The following TAF5L variants were observed in gnomAD, a reference collection of about 807,000 sequenced individuals.
The protein encoded by TAF5L is TAF5-like RNA polymerase II p300/CBP-associated factor-associated factor 65 kDa subunit 5L.
TAF5L carries 7 observed loss-of-function variants against 51.3 expected under a neutral mutation model. The observed-to-expected ratio is 0.14, with a 90% CI of 0.08 to 0.26. TAF5L has a LOEUF of 0.26. Among genes scored for constraint, TAF5L ranks in the 10% least tolerant of loss-of-function variants. The probability of loss-of-function intolerance (pLI) is 1.00; values close to 1 mark genes in which losing one functional copy is unlikely to be tolerated. For synonymous variants in TAF5L, 291 were observed against 308.1 expected, an observed-to-expected ratio of 0.94 and a Z score of 0.58; for missense variants, 575 against 758.9, an observed-to-expected ratio of 0.76 and a Z score of 2.85.
intron 1 of TAF5L, among the ~76,000 whole-genome samples, chr1:229,615,378 C>T (rs191465213): frequency 3.9e-5 from 6 of 152,210 alleles, no homozygotes; most frequent in African/African-American, 1.2e-4. Flanking sequence ...TGAGCCACCG[C>T]GCCTGGCCGT....
intron 1 of TAF5L, among the ~76,000 whole-genome samples, chr1:229,614,881 G>A (rs992056147): frequency 2.6e-5 from 4 of 152,170 alleles, no homozygotes; most frequent in East Asian, 3.8e-4. Context: ...TGAGAGAGGC[G>A]TTAATTAGCA....
At chr1:229,609,332 A>G (rs2102755430) in intron 3 of TAF5L, among the ~76,000 whole-genome samples, 1 of 152,300 alleles carries the variant, frequency 6.6e-6, no homozygotes, top group Admixed American at 6.5e-5. Flanking sequence ...TAATCACTGA[A>G]GCATAGGTGT....
At chr1:229,613,095 A>C (rs1161846292) in intron 2 of TAF5L, among the ~76,000 whole-genome samples, 2 of 151,842 alleles carry the variant, frequency 1.3e-5, no homozygotes, top group African/African-American at 4.8e-5. Flanking sequence ...AGGTGGGAGG[A>C]TCACTTGAGG....
intron 1 of TAF5L, among the ~76,000 whole-genome samples, chr1:229,622,643 C>T (rs950994739): frequency 4.6e-5 from 7 of 152,126 alleles, no homozygotes; most frequent in African/African-American, 1.4e-4. Context: ...TAAGGTCTTG[C>T]TCTGTCACCG....
At chr1:229,621,945 T>C (rs1208035620) in intron 1 of TAF5L, among the ~76,000 whole-genome samples, 1 of 152,120 alleles carries the variant, frequency 6.6e-6, no homozygotes, top group Non-Finnish European at 1.5e-5. Context: ...TAAATCCATA[T>C]ACTCCTGCTG....
Position 229,594,188 on chromosome 1 carries a change from G to C in TAF5L, c.*109C>G. ...GCCCGGAATGAGGGCCCAGGAGAGAGGGGAGGAGGGGGCTCTTTCACAGTC... is the reference window on the plus strand; with the variant it reads ...GCCCGGAATGAGGGCCCAGGAGAGACGGGAGGAGGGGGCTCTTTCACAGTC... On this transcript the variant is annotated 3_prime_UTR_variant, in exon 5 of 5. Coordinates refer to ENST00000258281, the Ensembl canonical transcript of TAF5L. The surrounding 1 kb of genome is among the most constrained non-coding windows in gnomAD (Gnocchi z 7.9). 1 of 1,265,496 alleles carries C rather than the reference G, an allele frequency of 7.9e-7. No individual in the cohort carries two copies. The highest frequency in any genetic ancestry group is 1.1e-6 in the Non-Finnish European group (1 of 921,918). The allele number at this position is 1,265,496 out of a possible 1,614,324, so 78.4% of individuals were successfully genotyped here.
In TAF5L at chr1:229,602,934, AAAG is replaced by A. The variant is rs757569637; in HGVS notation, c.248-18_248-16del. 2.5e-6 allele frequency: 4 copies of A among 1,572,630 alleles called. No individual in the cohort carries two copies. The highest frequency in any genetic ancestry group is 3.4e-6 in the Non-Finnish European group (4 of 1,167,946). ...GGAATCAGAATCTATAATGAAAGAA[AAAG>A]AAGGCTTTATAATCAGCATAATCTT... On this transcript the variant is annotated splice_polypyrimidine_tract_variant and intron_variant, in intron 3 of 4. Coordinates refer to ENST00000258281, the Ensembl canonical transcript of TAF5L. This position sits in a 1 kb window ranked among gnomAD's most constrained non-coding sequence, Gnocchi z 4.6.
chr1:229,596,369 A>AAGCTTTCT (rs1254801796), intron 4 of TAF5L, among the ~76,000 whole-genome samples: 3 of 152,204 alleles, frequency 2.0e-5, no homozygotes, highest in Non-Finnish European at 4.4e-5. Context: ...AATTAACACT[A>AAGCTTTCT]AGCTAGAAAG....
chr1:229,619,803 C>G (rs925911547), intron 1 of TAF5L, among the ~76,000 whole-genome samples: 2 of 152,158 alleles, frequency 1.3e-5, no homozygotes, highest in East Asian at 1.9e-4. Context: ...TTGAAACTCT[C>G]TTGGTCCCTC....
chr1:229,616,523 TA>T (rs909248445), intron 1 of TAF5L, among the ~76,000 whole-genome samples: 2 of 152,078 alleles, frequency 1.3e-5, no homozygotes, highest in African/African-American at 4.8e-5. Flanking sequence ...TCTTTAAACA[TA>T]AAAAAATTAT....
At chr1:229,600,602 C>A in intron 4 of TAF5L, 1 of 985,466 alleles carries the variant, frequency 1.0e-6, no homozygotes, top group Non-Finnish European at 1.2e-6. Flanking sequence ...CATAATTGCT[C>A]ATATAAGACA....
intron 3 of TAF5L, chr1:229,606,489 T>TA (rs996937393): frequency 4.2e-5 from 41 of 985,252 alleles, no homozygotes; most frequent in Non-Finnish European, 4.0e-5. Flanking sequence ...AAATTAGTAG[T>TA]AAAAAGGATA....
intron 3 of TAF5L, among the ~76,000 whole-genome samples, chr1:229,603,542 G>A (rs1187132757): frequency 6.6e-6 from 1 of 152,150 alleles, no homozygotes; most frequent in Non-Finnish European, 1.5e-5. Context: ...AGGCTGGCGT[G>A]TCCTGTGTTA....
intron 1 of TAF5L, among the ~76,000 whole-genome samples, chr1:229,616,668 C>T (rs1005672287): frequency 6.6e-6 from 1 of 152,180 alleles, no homozygotes; most frequent in African/African-American, 2.4e-5. Context: ...TCCTTCTAAA[C>T]TGATTTGTGG....
intron 3 of TAF5L, among the ~76,000 whole-genome samples, chr1:229,603,787 A>G (rs1312066442): frequency 6.6e-6 from 1 of 152,236 alleles, no homozygotes; most frequent in Non-Finnish European, 1.5e-5. Context: ...ACAGAGGTAT[A>G]ATTGACACCT....
chr1:229,604,909 T>G (rs1053833167), intron 3 of TAF5L, among the ~76,000 whole-genome samples: 2 of 152,184 alleles, frequency 1.3e-5, no homozygotes, highest in Non-Finnish European at 2.9e-5. Context: ...TTCTTTCCTT[T>G]CTCGTTCCCT....
intron 4 of TAF5L, chr1:229,601,849 C>A (rs1459147732): frequency 2.0e-5 from 21 of 1,047,646 alleles, no homozygotes; most frequent in Non-Finnish European, 2.4e-5. Flanking sequence ...ATTATTTGTA[C>A]CTGAGCAAAT....
chr1:229,593,237 A>AT (rs1663981992), exon 5 of TAF5L: 1 of 152,218 alleles, frequency 6.6e-6, no homozygotes, highest in African/African-American at 2.4e-5. Context: ...GCATAGTTTG[A>AT]TATGCGTGCG....
Position 229,613,678 on chromosome 1 carries a change from C to A in TAF5L, c.142+663G>T, listed in dbSNP as rs750145979. 1.7e-3 allele frequency among the ~76,000 whole-genome samples: 260 copies of A among 152,212 alleles called. 1 individual carries two copies. Among genetic ancestry groups the A allele is most frequent in the Non-Finnish European group, 2.3e-3 (159 of 68,026 alleles). Reference sequence around the variant, plus strand: ...GTAACCTGCTATGCCAAATATTATACCACATCTTATCAGGCAGGAACTTGA... The same window carrying A: ...GTAACCTGCTATGCCAAATATTATAACACATCTTATCAGGCAGGAACTTGA... On this transcript the variant is annotated intron_variant, in intron 2 of 4. Transcript: ENST00000258281.
Sources: gnomAD v4.1 joint callset for allele counts (sites outside exome capture counted in the v4.1 genomes callset) on GRCh38, gnomAD v4.1.1 for gene constraint, Gnocchi (gnomAD v3.1) non-coding constraint, MANE v1.5 for transcripts, NCBI Gene and HGNC (gene_info 2026-07-23, HGNC 2026-07-21) for gene names.